OSBPL2: variants seen among roughly 807,000 people sequenced by gnomAD.
OSBPL2 encodes the protein oxysterol-binding protein-related protein 2.
OSBPL2 carries 18 observed loss-of-function variants against 58.4 expected under a neutral mutation model. The ratio of observed to expected loss-of-function variants is 0.31; its 90% confidence interval spans 0.21 to 0.46. The LOEUF (loss-of-function observed/expected upper bound fraction) is 0.46, where lower values mean the gene tolerates loss of function less well. OSBPL2 is among the 20% of genes least tolerant of loss of function. The pLI, the probability that OSBPL2 is intolerant of heterozygous loss-of-function variation, is 1.00. For missense variants in OSBPL2, 461 were observed against 616.5 expected, an observed-to-expected ratio of 0.75 and a Z score of 2.67; for synonymous variants, 221 against 234.1, an observed-to-expected ratio of 0.94 and a Z score of 0.51.
At chr20:62,260,582 A>G (rs1981232300) in intron 3 of OSBPL2, among the ~76,000 whole-genome samples, 1 of 152,186 alleles carries the variant, frequency 6.6e-6, no homozygotes, top group Non-Finnish European at 1.5e-5. Context: ...TGACCCCTAC[A>G]GGACAAGAAG....
chr20:62,284,082 G>A lies in OSBPL2; in HGVS notation c.909G>A (p.Thr303=), dbSNP rs772929692. The change falls in exon 10 of 14, where the codon ACG becomes ACA. Residue 303 remains threonine, a synonymous_variant. Coordinates refer to ENST00000313733, the MANE Select transcript of OSBPL2 (RefSeq NM_144498.4). ...TCTTTATGATCTATGGCAAATGGAC[G>A]GAATGTTTGTGGGGCATAGATCCTG... The part of the protein sequence containing the change: ...KKLFMIYGKW[T]ECLWGIDPVS... The A allele has an allele frequency of 6.8e-6, 11 of 1,613,802 alleles. No homozygotes were observed. The Middle Eastern group carries it at 6.6e-4, about 96-fold the overall frequency.
intron 7 of OSBPL2, chr20:62,280,009 T>A: frequency 7.7e-7 from 1 of 1,304,108 alleles, no homozygotes; most frequent in Non-Finnish European, 1.0e-6. Context: ...CCCAATCCAG[T>A]GTCAACCAAA....
At chr20:62,240,128 C>T (rs527836950) in intron 1 of OSBPL2, among the ~76,000 whole-genome samples, 1 of 152,246 alleles carries the variant, frequency 6.6e-6, no homozygotes, top group East Asian at 1.9e-4. Flanking sequence ...GCTAGGATTC[C>T]AGGTGCGAGC....
At chr20:62,273,494 C>A in intron 6 of OSBPL2, 88 bp downstream of exon 6, 1 of 1,022,958 alleles carries the variant, frequency 9.8e-7, no homozygotes, top group South Asian at 1.4e-5. Flanking sequence ...AGCATTGATT[C>A]CTCTGCTCTG....
At chr20:62,290,747 T>C (rs961490069) in intron 12 of OSBPL2, among the ~76,000 whole-genome samples, 2 of 149,098 alleles carry the variant, frequency 1.3e-5, no homozygotes, top group African/African-American at 5.0e-5. Flanking sequence ...TTTTTTGTTT[T>C]TTTTTTTTGA....
chr20:62,279,436 G>T, intron 7 of OSBPL2, 97 bp downstream of exon 7: 1 of 1,287,774 alleles, frequency 7.8e-7, no homozygotes, highest in Non-Finnish European at 1.1e-6. Flanking sequence ...AGGAAACCCT[G>T]TCATTTTTCT....
chr20:62,256,284 T>G, intron 2 of OSBPL2, 63 bp downstream of exon 2: 1 of 1,491,064 alleles, frequency 6.7e-7, no homozygotes, highest in Non-Finnish European at 9.3e-7. Flanking sequence ...GATTCAGATG[T>G]TGGACCTGGC....
intron 4 of OSBPL2, among the ~76,000 whole-genome samples, chr20:62,268,479 C>G (rs1981836928): frequency 6.6e-6 from 1 of 152,154 alleles, no homozygotes; most frequent in Admixed American, 6.5e-5. Context: ...ACAGCTGATT[C>G]TACATGTATC....
chr20:62,245,793 G>T (rs1003756340), intron 1 of OSBPL2, among the ~76,000 whole-genome samples: 20 of 152,210 alleles, frequency 1.3e-4, no homozygotes, highest in Admixed American at 1.0e-3. Context: ...GTTAAAAAAG[G>T]TCATTGTTGT....
chr20:62,282,221 C>G (rs538426438), intron 9 of OSBPL2: 7 of 191,900 alleles, frequency 3.6e-5, no homozygotes, highest in Non-Finnish European at 5.5e-5. Flanking sequence ...GAAGTGTGGC[C>G]TTGCGTTTTC....
At position 62,286,728 on chromosome 20, in the gene OSBPL2, G is replaced by T. The variant is rs201528571; in HGVS notation, c.1125+17G>T. ...TCTGCCCAGGTCTGTGTCCCTCCAT[G>T]GCCTGACGTCTCTGCCTGCTCATGT... On this transcript the variant is annotated intron_variant, in intron 11 of 13. Coordinates refer to ENST00000313733, the MANE Select transcript of OSBPL2 (RefSeq NM_144498.4). 152 of 1,600,920 alleles carry T rather than the reference G, an allele frequency of 9.5e-5. No homozygotes were observed. Among genetic ancestry groups the T allele is most frequent in the Non-Finnish European group, 1.2e-4 (140 of 1,171,238 alleles).
chr20:62,239,839 G>A (rs1979603249), intron 1 of OSBPL2, among the ~76,000 whole-genome samples: 1 of 152,156 alleles, frequency 6.6e-6, no homozygotes, highest in Non-Finnish European at 1.5e-5. Flanking sequence ...GATAAGAGAA[G>A]CAAACGAGAT....
intron 1 of OSBPL2, among the ~76,000 whole-genome samples, 162 bp from the exon 2 acceptor site, chr20:62,255,895 C>A (rs1312041059): frequency 6.6e-6 from 1 of 152,180 alleles, no homozygotes; most frequent in South Asian, 2.1e-4. Flanking sequence ...TGCTCCCTCT[C>A]GTTTACTTTT....
chr20:62,279,815 G>T (rs1033419357), intron 7 of OSBPL2: 1 of 399,514 alleles, frequency 2.5e-6, no homozygotes, highest in Admixed American at 6.4e-5. Flanking sequence ...GCTGCTTGCT[G>T]CAGGGCACTG....
At chr20:62,245,992 T>A (rs936833938) in intron 1 of OSBPL2, among the ~76,000 whole-genome samples, 1 of 152,254 alleles carries the variant, frequency 6.6e-6, no homozygotes, top group African/African-American at 2.4e-5. Context: ...GGGCCTGGCC[T>A]GGCGGTGTCC....
chr20:62,257,618 C>T (rs151228964), intron 2 of OSBPL2, among the ~76,000 whole-genome samples: 41 of 152,054 alleles, frequency 2.7e-4, no homozygotes, highest in African/African-American at 8.9e-4. Context: ...TCACAGAGAG[C>T]GCAGCCTTGA....
At chr20:62,256,349 C>T in intron 2 of OSBPL2, 128 bp downstream of exon 2, 1 of 748,318 alleles carries the variant, frequency 1.3e-6, no homozygotes, top group Non-Finnish European at 2.2e-6. Context: ...GTTCACGATC[C>T]CAAACACGGA....
chr20:62,286,954 T>C (rs1355801687), intron 11 of OSBPL2, among the ~76,000 whole-genome samples: 1 of 152,214 alleles, frequency 6.6e-6, no homozygotes, highest in Admixed American at 6.5e-5. Flanking sequence ...CGCTGCTCCA[T>C]AGGACATGCA....
In OSBPL2 at chr20:62,256,038, A is replaced by C. The variant is rs774855326; in HGVS notation, c.-128-19A>C. On this transcript the variant is annotated intron_variant, in intron 1 of 13. Transcript: ENST00000313733. Reference sequence around the variant, plus strand: ...GAAACTTCTGGAAGCTAAGTATGCCAAAATTTTTTTCCCTTTAGATCTTCA... The same window carrying C: ...GAAACTTCTGGAAGCTAAGTATGCCCAAATTTTTTTCCCTTTAGATCTTCA... The C allele has an allele frequency of 4.1e-5, 35 of 863,532 alleles. No homozygotes were observed. The highest frequency in any genetic ancestry group is 5.9e-5 in the Non-Finnish European group (34 of 579,394). 53.5% of individuals were successfully genotyped at this position (863,532 alleles called of 1,614,324 possible).
Sources: gnomAD v4.1 joint callset for allele counts (sites outside exome capture counted in the v4.1 genomes callset) on GRCh38, gnomAD v4.1.1 for gene constraint, MANE v1.5 for transcripts, NCBI Gene and HGNC (gene_info 2026-07-23, HGNC 2026-07-21) for gene names.